FLYWCH1: variants seen among roughly 807,000 people sequenced by gnomAD.
FLYWCH1 encodes FLYWCH-type zinc finger-containing protein 1.
In FLYWCH1, 75 loss-of-function variants were observed where a neutral mutation model predicts 66.4. That is an observed-to-expected ratio of 1.13 (90% confidence interval 0.94 to 1.37). The LOEUF is 1.37. Ranked by LOEUF, FLYWCH1 falls within the 40% of genes most tolerant of loss-of-function variation. FLYWCH1 has a pLI of 0.00. For missense variants in FLYWCH1, 1,334 were observed against 1,001.8 expected, an observed-to-expected ratio of 1.33 and a Z score of -4.48; for synonymous variants, 595 against 429.9, an observed-to-expected ratio of 1.38 and a Z score of -4.75.
intron 6 of FLYWCH1, chr16:2,934,520 C>A: frequency 2.5e-6 from 1 of 401,054 alleles, no homozygotes; most frequent in Admixed American, 3.0e-5. Flanking sequence ...TTTGACTTCA[C>A]AACCACAGTT....
Position 2,923,611 on chromosome 16 carries a change from C to T in FLYWCH1, c.-73-6002C>T, listed in dbSNP as rs150928520. 2.4e-3 allele frequency among the ~76,000 whole-genome samples: 363 copies of T among 152,304 alleles called. 2 individuals carry two copies. Among genetic ancestry groups the T allele is most frequent in the Middle Eastern group, 3.4e-3 (1 of 294 alleles). ...CCTTATACTTCATATTTTTGTTTCC[C>T]TCGTTACAAGCCATTTATATGCACC... On this transcript the variant is annotated intron_variant, in intron 2 of 9. Transcript: ENST00000253928.
At position 2,933,286 on chromosome 16, in the gene FLYWCH1, C is replaced by T. The variant is rs1054704223; in HGVS notation, c.953C>T (p.Thr318Ile). The change falls in exon 5 of 10, where the codon ACC (threonine) becomes ATC (isoleucine). Residue 318 changes from threonine to isoleucine, a missense_variant. Coordinates refer to ENST00000253928, the MANE Select transcript of FLYWCH1 (RefSeq NM_001308068.2). ...CACGGCTGCCGGAGCCGGGCCATCA[C>T]CCAGGGACAGCGGGTGACTGTGATG... ...ALHGCRSRAITQGQRVTVMRG... is the reference protein window; with the variant it reads ...ALHGCRSRAIIQGQRVTVMRG... 1 of 1,612,508 alleles carries T rather than the reference C, an allele frequency of 6.2e-7. No individual in the cohort carries two copies.
chr16:2,948,873 G>C lies in FLYWCH1; in HGVS notation c.*146G>C, dbSNP rs757693254. On this transcript the variant is annotated 3_prime_UTR_variant, in exon 10 of 10. Coordinates refer to ENST00000253928, the MANE Select transcript of FLYWCH1 (RefSeq NM_001308068.2). ...GATGGTCTTCGCGTCTCCTCAGGAG[G>C]TCTCCCAGGAGGAATTCTTGGATGG... The C allele has an allele frequency of 5.9e-6, 4 of 682,278 alleles. No individual in the cohort carries two copies. Among genetic ancestry groups the C allele is most frequent in the Non-Finnish European group, 1.0e-5 (4 of 395,416 alleles). 42.3% of individuals were successfully genotyped at this position (682,278 alleles called of 1,614,324 possible).
Position 2,937,305 on chromosome 16 carries a change from C to T in FLYWCH1, c.1698C>T (p.Cys566=), listed in dbSNP as rs374199939. The change falls in exon 7 of 10, where the codon TGC becomes TGT. Residue 566 remains cysteine, a synonymous_variant. Transcript: ENST00000253928. ...GGGTCATGGTCATGCGCAGGCACTG[C>T]CACCCACCGGACCTGGGCGGCCTGG... ...GRRVMVMRRH[C]HPPDLGGLEA... 163 of 1,603,714 alleles carry T rather than the reference C, an allele frequency of 1.0e-4. No homozygotes were observed. The highest frequency in any genetic ancestry group is 1.2e-4 in the Non-Finnish European group (143 of 1,176,052).
At position 2,937,104 on chromosome 16, in the gene FLYWCH1, C is replaced by T. The variant is rs768568401; in HGVS notation, c.1514-17C>T. ...AGAGCTGGTGTCCGCTGCTCCTCCC[C>T]TCCCATTTCTCAACAGGAGGCCCCG... On this transcript the variant is annotated splice_polypyrimidine_tract_variant and intron_variant, in intron 6 of 9. Coordinates refer to ENST00000253928, the MANE Select transcript of FLYWCH1 (RefSeq NM_001308068.2). 47 of 1,589,924 alleles carry T rather than the reference C, an allele frequency of 3.0e-5. No individual in the cohort carries two copies. Among genetic ancestry groups the T allele is most frequent in the Non-Finnish European group, 3.8e-5 (44 of 1,168,342 alleles).
At chr16:2,924,401 G>A (rs2070484752) in intron 2 of FLYWCH1, among the ~76,000 whole-genome samples, 1 of 152,060 alleles carries the variant, frequency 6.6e-6, no homozygotes, top group Non-Finnish European at 1.5e-5. Flanking sequence ...CAGCTATTGT[G>A]TAGCATACGA....
chr16:2,924,782 G>C (rs1433028100), intron 2 of FLYWCH1, among the ~76,000 whole-genome samples: 1 of 152,226 alleles, frequency 6.6e-6, no homozygotes, highest in Non-Finnish European at 1.5e-5. Flanking sequence ...AGCCTGAACG[G>C]GCAAGAGTGG....
At chr16:2,935,357 T>C (rs7194018) in intron 6 of FLYWCH1, 40,930 of 152,226 alleles carry the variant, frequency 0.27, 7,719 homozygotes, top group African/African-American at 0.51. Context: ...CTTTTGTGTG[T>C]CCAGGTCGAC....
chr16:2,938,459 A>T lies in FLYWCH1; in HGVS notation c.2050+3A>T, dbSNP rs779883803. Reference sequence around the variant, plus strand: ...CACGGCCCAGCAGGAGGACCCAGGTACAGGCAGGCTGTGGGGCAGAGGCAG... The same window carrying T: ...CACGGCCCAGCAGGAGGACCCAGGTTCAGGCAGGCTGTGGGGCAGAGGCAG... On this transcript the variant is annotated splice_donor_region_variant and intron_variant, in intron 8 of 9. Transcript: ENST00000253928. 2.0e-6 allele frequency: 3 copies of T among 1,519,972 alleles called. No individual in the cohort carries two copies. In the East Asian group the frequency reaches 6.9e-5, roughly 35 times the overall value. 94.2% of individuals were successfully genotyped at this position (1,519,972 alleles called of 1,614,324 possible). A position where few individuals can be genotyped will look rare whatever the true frequency, so the allele number is the denominator to read the frequency against.
At chr16:2,936,556 T>C in intron 6 of FLYWCH1, 1 of 456,160 alleles carries the variant, frequency 2.2e-6, no homozygotes, top group South Asian at 1.5e-5. Flanking sequence ...CCCACCTCTG[T>C]GGCCCCTGAG....
In FLYWCH1 at chr16:2,912,161, A is replaced by T. The variant is rs1476669771; in HGVS notation, c.-188+7A>T. ...GAGGGCCCCGCTGCCGTCGGTGAGG[A>T]CAGGCCCCTGCGGGCGGGGAATGTC... On this transcript the variant is annotated splice_region_variant and intron_variant, in intron 1 of 9. Transcript: ENST00000253928. The T allele has an allele frequency of 6.6e-6, 1 of 152,086 alleles. No homozygotes were observed. The highest frequency in any genetic ancestry group is 1.9e-4 in the East Asian group (1 of 5,186). 9.4% of individuals were successfully genotyped at this position (152,086 alleles called of 1,614,324 possible).
Position 2,939,988 on chromosome 16 carries a change from AAG to A in FLYWCH1, c.2051-40_2051-39del, listed in dbSNP as rs1351064752. 2.6e-6 allele frequency: 4 copies of A among 1,558,074 alleles called. No individual in the cohort carries two copies. In the Admixed American group the frequency reaches 5.7e-5, roughly 22 times the overall value. On this transcript the variant is annotated intron_variant, in intron 8 of 9. Transcript: ENST00000253928. ...TGTCCTTGGTTCTGTCAGCTTCAAC[AAG>A]AGAAGAATTATTAATTCATATTTTC...
At chr16:2,934,784 C>T (rs560142222) in intron 6 of FLYWCH1, 98 of 382,606 alleles carry the variant, frequency 2.6e-4, no homozygotes, top group South Asian at 1.0e-3. Flanking sequence ...TCCTCACCCC[C>T]GCTCCTGACC....
intron 5 of FLYWCH1, 44 bp from the exon 6 acceptor site, chr16:2,933,672 C>T: frequency 1.3e-6 from 2 of 1,589,318 alleles, no homozygotes; most frequent in Non-Finnish European, 1.7e-6. Context: ...TCAGGCCTAC[C>T]CAGCCCCTGT....
rs756175907 is a variant in FLYWCH1 at position 2,933,209 on chromosome 16, G to A, written c.876G>A (p.Arg292=). The change falls in exon 5 of 10, where the codon CGG becomes CGA. Residue 292 remains arginine (R), a synonymous_variant. Transcript: ENST00000253928. ...TACACGAGTCGTTCCTCTACAAGCGGGAGAAGGCTGTCGGGGACAAGGTGT... is the reference window on the plus strand; with the variant it reads ...TACACGAGTCGTTCCTCTACAAGCGAGAGAAGGCTGTCGGGGACAAGGTGT... ...FLVHESFLYK[R]EKAVGDKVYW... 4 of 1,613,634 alleles carry A rather than the reference G, an allele frequency of 2.5e-6. No individual in the cohort carries two copies. Among genetic ancestry groups the A allele is most frequent in the Non-Finnish European group, 3.4e-6 (4 of 1,179,868 alleles).
At chr16:2,936,692 T>C (rs1238523097) in intron 6 of FLYWCH1, 13 of 464,166 alleles carry the variant, frequency 2.8e-5, no homozygotes, top group Middle Eastern at 3.2e-4. Flanking sequence ...GTCACACCTC[T>C]ACCTGCGCGG....
chr16:2,915,144 T>C (rs1438314693), intron 2 of FLYWCH1: 1 of 151,652 alleles, frequency 6.6e-6, no homozygotes, highest in Non-Finnish European at 1.5e-5. Context: ...ACTGAAATTT[T>C]TTTTTTTTTT....
chr16:2,948,808 T>C lies in FLYWCH1; in HGVS notation c.*81T>C. The stretch of plus-strand genomic sequence containing the variant: ...ACAGGCACTTCCCATCCACCTAGGT[T>C]TGGCTTAGCAGAAACTTCTTTTCAT... On this transcript the variant is annotated 3_prime_UTR_variant, in exon 10 of 10. Coordinates refer to ENST00000253928, the MANE Select transcript of FLYWCH1 (RefSeq NM_001308068.2). 1 of 1,327,034 alleles carries C rather than the reference T, an allele frequency of 7.5e-7. No individual in the cohort carries two copies. Among genetic ancestry groups the C allele is most frequent in the Non-Finnish European group, 1.1e-6 (1 of 924,276 alleles). 82.2% of individuals were successfully genotyped at this position (1,327,034 alleles called of 1,614,324 possible). A position where few individuals can be genotyped will look rare whatever the true frequency, so the allele number is the denominator to read the frequency against.
At chr16:2,927,259 C>A (rs1446724703) in intron 2 of FLYWCH1, among the ~76,000 whole-genome samples, 6 of 152,126 alleles carry the variant, frequency 3.9e-5, no homozygotes. Flanking sequence ...ACACTGCACG[C>A]GATCATTGAT....
Sources: allele counts gnomAD v4.1 joint callset (sites outside exome capture counted in the v4.1 genomes callset), GRCh38; gene constraint gnomAD v4.1.1; transcripts MANE v1.5; gene names NCBI Gene and HGNC (gene_info 2026-07-23, HGNC 2026-07-21).